The following SKAP1 variants were observed in gnomAD, a reference collection of about 807,000 sequenced individuals.
SKAP1 encodes the protein src kinase-associated phosphoprotein 1.
A neutral mutation model predicts 58.5 loss-of-function variants in SKAP1; 44 were observed. That is an observed-to-expected ratio of 0.75 (90% CI 0.59 to 0.97). The LOEUF (loss-of-function observed/expected upper bound fraction) is 0.97, where lower values mean the gene tolerates loss of function less well. SKAP1 is among the 50% of genes least tolerant of loss of function. SKAP1 has a pLI of 0.00. For synonymous variants in SKAP1, 127 were observed against 149.7 expected (o/e 0.85, Z 1.11); for missense variants, 390 against 435.2 (o/e 0.90, Z 0.92).
intron 3 of SKAP1, among the ~76,000 whole-genome samples, chr17:48,357,302 T>G (rs1353372892): frequency 6.6e-6 from 1 of 152,122 alleles, no homozygotes; most frequent in East Asian, 1.9e-4. Context: ...AAATGTTAAC[T>G]TTAGAAAGGA....
At chr17:48,180,351 T>C in intron 8 of SKAP1, 103 bp from the exon 9 acceptor site, 1 of 836,684 alleles carries the variant, frequency 1.2e-6, no homozygotes. Context: ...GTAAAATATG[T>C]CAAATGAAAA....
intron 2 of SKAP1, among the ~76,000 whole-genome samples, chr17:48,375,833 T>C (rs2067144036): frequency 6.6e-6 from 1 of 152,168 alleles, no homozygotes; most frequent in Non-Finnish European, 1.5e-5. Context: ...AAGAATGATG[T>C]CCACATCAAA....
intron 4 of SKAP1, among the ~76,000 whole-genome samples, chr17:48,319,667 C>T (rs2066334844): frequency 6.6e-6 from 1 of 152,088 alleles, no homozygotes; most frequent in Non-Finnish European, 1.5e-5. Context: ...CATGGTGAAA[C>T]CCCATTTCTT....
At chr17:48,201,718 G>A (rs913647615) in intron 4 of SKAP1, among the ~76,000 whole-genome samples, 1 of 152,110 alleles carries the variant, frequency 6.6e-6, no homozygotes, top group Admixed American at 6.5e-5. Flanking sequence ...AAATTTCTGA[G>A]TCCCATGTTA....
At chr17:48,267,780 G>A (rs967900809) in intron 4 of SKAP1, among the ~76,000 whole-genome samples, 5 of 152,192 alleles carry the variant, frequency 3.3e-5, no homozygotes, top group East Asian at 1.9e-4. Context: ...TAGGAACTCC[G>A]TTAGGAAGGG....
chr17:48,404,816 C>T (rs1369010744), intron 1 of SKAP1, among the ~76,000 whole-genome samples: 1 of 151,886 alleles, frequency 6.6e-6, no homozygotes, highest in East Asian at 1.9e-4. Flanking sequence ...CAAAAAATTA[C>T]ACAAGTTTAA....
intron 4 of SKAP1, among the ~76,000 whole-genome samples, chr17:48,224,068 AAGGAGG>A (rs1407926748): frequency 1.0e-4 from 2 of 19,244 alleles, no homozygotes; most frequent in Non-Finnish European, 1.9e-4. Context: ...GGAGGAGGAG[AAGGAGG>A]AGGAGGAGGA....
At chr17:48,285,954 T>C (rs2065825015) in intron 4 of SKAP1, among the ~76,000 whole-genome samples, 1 of 152,188 alleles carries the variant, frequency 6.6e-6, no homozygotes, top group African/African-American at 2.4e-5. Flanking sequence ...AATATCTACT[T>C]TACAGAATTA....
chr17:48,342,519 G>A (rs2066666902), intron 4 of SKAP1, among the ~76,000 whole-genome samples: 1 of 151,180 alleles, frequency 6.6e-6, no homozygotes, highest in African/African-American at 2.4e-5. Context: ...TTTTCACAAA[G>A]TCATGACCTA....
chr17:48,258,024 C>T (rs1303527606), intron 4 of SKAP1, among the ~76,000 whole-genome samples: 1 of 152,074 alleles, frequency 6.6e-6, no homozygotes, highest in Non-Finnish European at 1.5e-5. Flanking sequence ...TGTCTTCTTG[C>T]ACCAAGTTCC....
At chr17:48,403,904 T>C (rs1283322442) in intron 1 of SKAP1, among the ~76,000 whole-genome samples, 1 of 151,750 alleles carries the variant, frequency 6.6e-6, no homozygotes, top group Non-Finnish European at 1.5e-5. Context: ...CTGGCCAATA[T>C]GGCGAAAACC....
intron 2 of SKAP1, chr17:48,377,552 T>G (rs1238117852): frequency 6.8e-6 from 1 of 147,118 alleles, no homozygotes; most frequent in Non-Finnish European, 1.5e-5. Context: ...CACTCCAGCA[T>G]GGGTGACAGA....
chr17:48,248,374 C>A (rs1308183831), intron 4 of SKAP1, among the ~76,000 whole-genome samples: 2 of 152,042 alleles, frequency 1.3e-5, no homozygotes, highest in African/African-American at 4.8e-5. Flanking sequence ...CGAGACCAGC[C>A]TGGCCAACAT....
chr17:48,400,824 G>C (rs1173729311), intron 1 of SKAP1, among the ~76,000 whole-genome samples: 1 of 151,886 alleles, frequency 6.6e-6, no homozygotes, highest in East Asian at 1.9e-4. Flanking sequence ...CGAATAAATA[G>C]AACATATTCT....
At chr17:48,214,644 T>G (rs936013649) in intron 4 of SKAP1, among the ~76,000 whole-genome samples, 2 of 151,264 alleles carry the variant, frequency 1.3e-5, no homozygotes, top group African/African-American at 4.9e-5. Flanking sequence ...TTTCTAAAAT[T>G]AGAGGCTGGG....
At chr17:48,249,247 G>C (rs2065333819) in intron 4 of SKAP1, among the ~76,000 whole-genome samples, 4 of 152,048 alleles carry the variant, frequency 2.6e-5, no homozygotes, top group African/African-American at 9.7e-5. Context: ...AAAAGGTCAA[G>C]TTTCAAAAAC....
intron 4 of SKAP1, among the ~76,000 whole-genome samples, chr17:48,270,699 C>T (rs951702738): frequency 4.6e-5 from 7 of 151,858 alleles, no homozygotes; most frequent in Non-Finnish European, 1.0e-4. Flanking sequence ...GTCTTTAATG[C>T]TGTTTTGTAG....
chr17:48,376,347 C>T (rs982680673), intron 2 of SKAP1, among the ~76,000 whole-genome samples: 2 of 152,122 alleles, frequency 1.3e-5, no homozygotes, highest in Non-Finnish European at 1.5e-5. Context: ...GTTATCTGAT[C>T]GCACCATAGG....
intron 2 of SKAP1, among the ~76,000 whole-genome samples, chr17:48,383,446 T>TA (rs35104319): frequency 0.21 from 31,315 of 150,812 alleles, 3,271 homozygotes; most frequent in Non-Finnish European, 0.22. Context: ...CTTCCTTAAT[T>TA]AAAAAAAAAA....
Sources: allele counts gnomAD v4.1 joint callset (sites outside exome capture counted in the v4.1 genomes callset), GRCh38; gene constraint gnomAD v4.1.1; transcripts MANE v1.5; gene names NCBI Gene and HGNC (gene_info 2026-07-23, HGNC 2026-07-21).